SOX5: variants seen among roughly 807,000 people sequenced by gnomAD.
The protein encoded by SOX5 is SRY-box transcription factor 5, also known as transcription factor SOX-5.
A neutral mutation model predicts 92.0 loss-of-function variants in SOX5; 9 were observed. The observed-to-expected ratio is 0.10, with a 90% confidence interval of 0.06 to 0.17. SOX5 has a LOEUF of 0.17. Among genes scored for constraint, SOX5 ranks in the 10% least tolerant of loss-of-function variants. SOX5 has a pLI of 1.00. For missense variants in SOX5, 642 were observed against 944.5 expected (o/e 0.68, Z 4.20); for synonymous variants, 344 against 336.3 (o/e 1.02, Z -0.25).
At chr12:24,023,651 G>T (rs1407816491) in intron 4 of SOX5, among the ~76,000 whole-genome samples, 2 of 151,988 alleles carry the variant, frequency 1.3e-5, no homozygotes, top group Non-Finnish European at 2.9e-5. Flanking sequence ...GGTTATCTAT[G>T]CATTTATTTT....
intron 3 of SOX5, among the ~76,000 whole-genome samples, chr12:23,763,832 A>G (rs910976791): frequency 5.3e-5 from 8 of 152,014 alleles, no homozygotes; most frequent in Non-Finnish European, 1.0e-4. Context: ...TTATTTTTAT[A>G]TATTAGCACT....
At chr12:24,302,438 T>C (rs1386961344) in intron 2 of SOX5, among the ~76,000 whole-genome samples, 3 of 152,214 alleles carry the variant, frequency 2.0e-5, no homozygotes, top group Non-Finnish European at 4.4e-5. Context: ...AGGGACACTT[T>C]GTAAGTAAGA....
intron 2 of SOX5, among the ~76,000 whole-genome samples, chr12:23,889,699 A>G (rs1284878756): frequency 6.6e-6 from 1 of 152,182 alleles, no homozygotes; most frequent in Non-Finnish European, 1.5e-5. Context: ...CAGAAGATCA[A>G]CTTTAAAAGA....
intron 1 of SOX5, among the ~76,000 whole-genome samples, chr12:24,548,052 T>C (rs933841133): frequency 6.6e-6 from 1 of 152,188 alleles, no homozygotes; most frequent in African/African-American, 2.4e-5. Context: ...TTAAGTACCT[T>C]GCATTCATTC....
At chr12:24,499,311 G>T (rs1947952347) in intron 1 of SOX5, among the ~76,000 whole-genome samples, 1 of 152,178 alleles carries the variant, frequency 6.6e-6, no homozygotes, top group Admixed American at 6.5e-5. Context: ...GGTGAAATAG[G>T]GCTGTAGGGC....
intron 4 of SOX5, among the ~76,000 whole-genome samples, chr12:24,113,541 C>G (rs1034055098): frequency 1.3e-5 from 2 of 152,048 alleles, no homozygotes; most frequent in African/African-American, 4.8e-5. Flanking sequence ...CTGTGATACC[C>G]AAGGCTTCTG....
At chr12:24,146,430 C>A (rs973060648) in intron 4 of SOX5, among the ~76,000 whole-genome samples, 1 of 151,934 alleles carries the variant, frequency 6.6e-6, no homozygotes, top group East Asian at 1.9e-4. Context: ...AGTATCTGAA[C>A]TAAGTGAAAA....
In SOX5 at chr12:24,171,605, C is replaced by A. The variant is rs569564649; in HGVS notation, c.-2+41738G>T. On this transcript the variant is annotated intron_variant, in intron 4 of 4. Transcript: ENST00000446891. ...ATGGAGAAAAACGAGACAGAAACGG[C>A]TTTCATATGCGCTTTCTGAAGGAAG... Among the ~76,000 whole-genome samples the A allele has an allele frequency of 3.3e-5, 5 of 152,236 alleles. No individual in the cohort carries two copies. The South Asian group carries it at 1.0e-3, about 32-fold the overall frequency.
At chr12:23,867,847 C>T (rs1033912250) in intron 2 of SOX5, among the ~76,000 whole-genome samples, 1 of 150,996 alleles carries the variant, frequency 6.6e-6, no homozygotes, top group African/African-American at 2.4e-5. Context: ...AAAACTTCCA[C>T]ATACAAAACA....
rs535883610 is a variant in SOX5 at position 24,068,498 on chromosome 12, T to C, written c.-2+144845A>G. The stretch of plus-strand genomic sequence containing the variant: ...CTGTGATGATAAATAAAAGAGATTA[T>C]CTTAGAAAACTTGTGATGTTATAGA... On this transcript the variant is annotated intron_variant, in intron 4 of 4. Transcript: ENST00000446891. Among the ~76,000 whole-genome samples, 18 of 151,894 alleles carry C rather than the reference T, an allele frequency of 1.2e-4. No homozygotes were observed. In the East Asian group the frequency reaches 3.5e-3, roughly 30 times the overall value.
intron 3 of SOX5, among the ~76,000 whole-genome samples, chr12:23,772,859 A>T (rs1051825547): frequency 2.6e-5 from 4 of 152,348 alleles, no homozygotes; most frequent in East Asian, 1.9e-4. Context: ...TGACCATATT[A>T]AAAAGTAATT....
intron 3 of SOX5, among the ~76,000 whole-genome samples, chr12:23,822,227 T>C (rs1011147436): frequency 2.0e-5 from 3 of 152,216 alleles, no homozygotes; most frequent in Non-Finnish European, 4.4e-5. Flanking sequence ...GTTGTTGACT[T>C]TAGATCTTTC....
chr12:23,645,591 C>T (rs1327415255), intron 7 of SOX5, among the ~76,000 whole-genome samples: 1 of 152,160 alleles, frequency 6.6e-6, no homozygotes, highest in Admixed American at 6.5e-5. Context: ...ATGTTTGGGA[C>T]ACTTTTGCAT....
chr12:24,241,946 G>C (rs1965636914), intron 3 of SOX5, among the ~76,000 whole-genome samples: 1 of 151,962 alleles, frequency 6.6e-6, no homozygotes, highest in Non-Finnish European at 1.5e-5. Flanking sequence ...TAGGCACTTA[G>C]AAACTAAAAA....
At chr12:23,966,427 A>C (rs1286465828) in intron 4 of SOX5, among the ~76,000 whole-genome samples, 2 of 152,004 alleles carry the variant, frequency 1.3e-5, no homozygotes, top group East Asian at 3.9e-4. Context: ...AGTTGATTTA[A>C]ATGAAATGAT....
chr12:23,971,523 A>G (rs1423237763), intron 4 of SOX5, among the ~76,000 whole-genome samples: 1 of 148,374 alleles, frequency 6.7e-6, no homozygotes, highest in Non-Finnish European at 1.5e-5. Flanking sequence ...GTTTACTTCC[A>G]CTTCAGAATA....
At chr12:24,561,527 C>A (rs924067746) in intron 1 of SOX5, among the ~76,000 whole-genome samples, 1 of 152,312 alleles carries the variant, frequency 6.6e-6, no homozygotes, top group South Asian at 2.1e-4. Context: ...CTTTTCATTG[C>A]TTCTTATTGC....
At chr12:24,079,047 G>C (rs1163314297) in intron 4 of SOX5, among the ~76,000 whole-genome samples, 1 of 151,646 alleles carries the variant, frequency 6.6e-6, no homozygotes, top group East Asian at 1.9e-4. Context: ...ACTCTGCCCA[G>C]GTGCAATTTC....
chr12:23,855,124 T>C (rs1416422957), intron 2 of SOX5, among the ~76,000 whole-genome samples: 2 of 152,034 alleles, frequency 1.3e-5, no homozygotes, highest in Non-Finnish European at 2.9e-5. Context: ...AAAAGCCCTT[T>C]CTTTCATCCA....
Sources: allele counts gnomAD v4.1 joint callset (sites outside exome capture counted in the v4.1 genomes callset), GRCh38; gene constraint gnomAD v4.1.1; transcripts MANE v1.5; gene names NCBI Gene and HGNC (gene_info 2026-07-23, HGNC 2026-07-21).